The following HLCS variants were observed in gnomAD, a reference collection of about 807,000 sequenced individuals.
The protein encoded by HLCS is holocarboxylase synthetase.
Under a neutral mutation model 75.0 loss-of-function variants are expected in HLCS, and 53 were observed. That is an observed-to-expected ratio of 0.71 (90% CI 0.57 to 0.89). The LOEUF (loss-of-function observed/expected upper bound fraction) is 0.89. HLCS is among the 40% of genes least tolerant of loss of function. The pLI is 0.00. For missense variants in HLCS, 966 were observed against 1,074.0 expected, an observed-to-expected ratio of 0.90 and a Z score of 1.41; for synonymous variants, 431 against 428.6, an observed-to-expected ratio of 1.01 and a Z score of -0.07.
At chr21:36,838,899 A>T (rs941293366) in intron 6 of HLCS, among the ~76,000 whole-genome samples, 2 of 152,178 alleles carry the variant, frequency 1.3e-5, no homozygotes, top group Non-Finnish European at 2.9e-5. Flanking sequence ...GGCCCTGCTG[A>T]CACCTTGATT....
chr21:36,914,689 G>A (rs2065856085), intron 5 of HLCS, among the ~76,000 whole-genome samples: 1 of 152,230 alleles, frequency 6.6e-6, no homozygotes, highest in Admixed American at 6.5e-5. Flanking sequence ...AATCTATTCT[G>A]CAAGTGCAGA....
At chr21:36,820,340 C>T (rs1047896847) in intron 6 of HLCS, among the ~76,000 whole-genome samples, 13 of 152,234 alleles carry the variant, frequency 8.5e-5, no homozygotes, top group Non-Finnish European at 1.6e-4. Flanking sequence ...GCCCCACTCT[C>T]CCAGGCGCAG....
intron 2 of HLCS, among the ~76,000 whole-genome samples, chr21:36,955,736 G>A (rs2067905784): frequency 6.6e-6 from 1 of 152,178 alleles, no homozygotes; most frequent in Non-Finnish European, 1.5e-5. Context: ...TGACTGTTGT[G>A]TCCTAGGCTT....
chr21:36,973,981 A>C (rs1478969824), intron 1 of HLCS: 1 of 150,118 alleles, frequency 6.7e-6, no homozygotes, highest in Non-Finnish European at 1.5e-5. Context: ...ACAAGAGTGA[A>C]ACTCCGTCTG....
In HLCS at chr21:36,888,475, TA is replaced by T. The variant is rs1569149837; in HGVS notation, c.1892+8384del. Among the ~76,000 whole-genome samples the T allele has an allele frequency of 6.3e-4, 80 of 126,028 alleles. 3 individuals are homozygous for T. Among genetic ancestry groups the T allele is most frequent in the Middle Eastern group, 4.1e-3 (1 of 246 alleles). The allele number at this position is 126,028 out of a possible 152,430, so 82.7% of individuals were successfully genotyped here. ...ATATATATATATATATATATATATA[TA>T]TATATATATATATATATATATTTAT... On this transcript the variant is annotated intron_variant, in intron 6 of 10. Transcript: ENST00000674895.
At chr21:36,948,805 C>G (rs904827068) in intron 2 of HLCS, among the ~76,000 whole-genome samples, 2 of 147,874 alleles carry the variant, frequency 1.4e-5, no homozygotes, top group African/African-American at 5.1e-5. Context: ...CAAGTAACAG[C>G]GTAAGAGTTA....
chr21:36,965,077 T>A (rs1288927251), intron 1 of HLCS, among the ~76,000 whole-genome samples: 14 of 152,200 alleles, frequency 9.2e-5, no homozygotes, highest in Non-Finnish European at 8.8e-5. Context: ...AAAACAGTCA[T>A]TCATATTCAG....
chr21:36,906,702 T>A, intron 5 of HLCS, among the ~76,000 whole-genome samples: 3 of 142,962 alleles, frequency 2.1e-5, no homozygotes, highest in Admixed American at 1.4e-4. Context: ...TTTGTAGAAA[T>A]TAACAAGCTG....
At chr21:36,871,328 T>A (rs1601580575) in intron 6 of HLCS, among the ~76,000 whole-genome samples, 1 of 152,132 alleles carries the variant, frequency 6.6e-6, no homozygotes, top group East Asian at 1.9e-4. Flanking sequence ...AGTAAATAAT[T>A]CAGCAAGTTA....
chr21:36,841,010 ATGAAACTG>A (rs1298465643), intron 6 of HLCS, among the ~76,000 whole-genome samples: 1 of 152,176 alleles, frequency 6.6e-6, no homozygotes, highest in African/African-American at 2.4e-5. Context: ...CAATATAAAG[ATGAAACTG>A]TTTGGGGTGG....
intron 6 of HLCS, among the ~76,000 whole-genome samples, chr21:36,855,420 C>T (rs145784836): frequency 0.044 from 6,725 of 151,572 alleles, 217 homozygotes; most frequent in Non-Finnish European, 0.069. Context: ...TGCCTGTAAT[C>T]CCAGCTACTC....
At chr21:36,965,911 G>A (rs1367100998) in intron 1 of HLCS, among the ~76,000 whole-genome samples, 2 of 131,398 alleles carry the variant, frequency 1.5e-5, no homozygotes, top group Non-Finnish European at 3.3e-5. Context: ...CCACCACGCC[G>A]ACCTAAGTGT....
At chr21:36,766,830 TG>T (rs2090053285) in intron 7 of HLCS, among the ~76,000 whole-genome samples, 1 of 152,064 alleles carries the variant, frequency 6.6e-6, no homozygotes, top group Non-Finnish European at 1.5e-5. Flanking sequence ...AGAACTGGCA[TG>T]CAAAAGGCCT....
intron 1 of HLCS, among the ~76,000 whole-genome samples, chr21:36,963,490 G>A (rs967179738): frequency 7.9e-5 from 12 of 152,252 alleles, no homozygotes; most frequent in African/African-American, 1.7e-4. Flanking sequence ...GGCCGGGCGC[G>A]GTGGCTCACG....
At chr21:36,935,603 G>A (rs117710810) in intron 4 of HLCS, among the ~76,000 whole-genome samples, 1,664 of 152,212 alleles carry the variant, frequency 0.011, 12 homozygotes, top group Non-Finnish European at 0.018. Flanking sequence ...CTACATCTGC[G>A]TAGTTTTCTC....
intron 5 of HLCS, among the ~76,000 whole-genome samples, chr21:36,909,126 A>G (rs1199834729): frequency 6.6e-6 from 1 of 152,082 alleles, no homozygotes; most frequent in Non-Finnish European, 1.5e-5. Flanking sequence ...GAACCTCGGA[A>G]GCGGAGTTTG....
chr21:36,807,235 A>C (rs931038489), intron 6 of HLCS, among the ~76,000 whole-genome samples: 1 of 152,192 alleles, frequency 6.6e-6, no homozygotes, highest in Non-Finnish European at 1.5e-5. Flanking sequence ...CACCAGGACC[A>C]ACAAAGGCTG....
At chr21:36,906,041 C>T (rs572937499) in intron 5 of HLCS, among the ~76,000 whole-genome samples, 3 of 134,402 alleles carry the variant, frequency 2.2e-5, no homozygotes, top group East Asian at 4.2e-4. Flanking sequence ...CAGAGTGAGA[C>T]TCCATCTCAA....
Position 36,957,052 on chromosome 21 carries a change from C to CA in HLCS, c.330+4983dup, listed in dbSNP as rs3035105. Among the ~76,000 whole-genome samples, 702 of 107,882 alleles carry CA rather than the reference C, an allele frequency of 6.5e-3. 7 individuals carry two copies. The highest frequency in any genetic ancestry group is 0.018 in the African/African-American group (511 of 28,426). The allele number at this position is 107,882 out of a possible 152,430, so 70.8% of individuals were successfully genotyped here. On this transcript the variant is annotated intron_variant, in intron 2 of 10. Transcript: ENST00000674895. ...TGGACAACAGAGCCAGACTCCGTCT[C>CA]AAAAAAAAAAAAAAAAAAAGCCCAA...
Sources: gnomAD v4.1 joint callset for allele counts (sites outside exome capture counted in the v4.1 genomes callset) on GRCh38, gnomAD v4.1.1 for gene constraint, MANE v1.5 for transcripts, NCBI Gene and HGNC (gene_info 2026-07-23, HGNC 2026-07-21) for gene names.